The following DGKH variants were observed in gnomAD, a reference collection of about 807,000 sequenced individuals.
DGKH encodes the protein diacylglycerol kinase eta.
A neutral mutation model predicts 159.3 loss-of-function variants in DGKH; 90 were observed. The observed-to-expected ratio is 0.57, with a 90% confidence interval of 0.48 to 0.67. DGKH has a LOEUF of 0.67. Among genes scored for constraint, DGKH ranks in the 30% least tolerant of loss-of-function variants. DGKH has a pLI of 0.00. For missense variants in DGKH, 1,181 were observed against 1,506.1 expected (o/e 0.78, Z 3.57); for synonymous variants, 536 against 553.8 (o/e 0.97, Z 0.45).
rs543209516 is a variant in DGKH, at chr13:42,207,157, CCT to C, written c.2601+1012_2601+1013del. ...TCCTTCCTTCCTTCCTTCCTTCCTT[CCT>C]TCCTTCCTTCCTTCCTTCCTTCCTT... is the stretch of plus-strand genomic sequence containing the variant. On this transcript the variant is annotated intron_variant, in intron 21 of 29. Coordinates refer to ENST00000337343, the MANE Select transcript of DGKH (RefSeq NM_178009.5). 9.5e-4 allele frequency among the ~76,000 whole-genome samples: 75 copies of C among 78,748 alleles called. 8 individuals carry two copies. Among genetic ancestry groups the C allele is most frequent in the Middle Eastern group, 0.01 (2 of 192 alleles). The allele number at this position is 78,748 out of a possible 152,430, so 51.7% of individuals were successfully genotyped here. A position where few individuals can be genotyped will look rare whatever the true frequency, so the allele number is the denominator to read the frequency against.
At chr13:42,224,894 GAAA>G (rs71700896) in intron 29 of DGKH, among the ~76,000 whole-genome samples, 8 of 142,934 alleles carry the variant, frequency 5.6e-5, no homozygotes, top group Admixed American at 2.7e-4. Context: ...TTGGGAAAAG[GAAA>G]AAAAAAATAT....
chr13:42,054,560 A>G (rs986105259), intron 1 of DGKH, among the ~76,000 whole-genome samples: 1 of 152,196 alleles, frequency 6.6e-6, no homozygotes, highest in Non-Finnish European at 1.5e-5. Flanking sequence ...AAATTATTTA[A>G]CTCAGAGAAT....
chr13:42,064,820 C>G (rs977311701), intron 1 of DGKH, among the ~76,000 whole-genome samples: 1 of 151,798 alleles, frequency 6.6e-6, no homozygotes, highest in Non-Finnish European at 1.5e-5. Flanking sequence ...ATACAAAGAC[C>G]GTTTTACTTA....
In DGKH at chr13:42,157,278, T is replaced by C. The variant is rs569237807; in HGVS notation, c.622+1479T>C. ...CTGTAATATGGTATTATTTTAAAGA[T>C]TTTACTAAAATCTTTATTCCAAAAA... On this transcript the variant is annotated intron_variant, in intron 5 of 29. Transcript: ENST00000337343. Among the ~76,000 whole-genome samples, 109 of 152,296 alleles carry C rather than the reference T, an allele frequency of 7.2e-4. 1 individual carries two copies. Among genetic ancestry groups the C allele is most frequent in the African/African-American group, 2.5e-3 (105 of 41,548 alleles).
At chr13:42,103,435 C>A (rs1186828970) in intron 1 of DGKH, among the ~76,000 whole-genome samples, 1 of 152,110 alleles carries the variant, frequency 6.6e-6, no homozygotes, top group Non-Finnish European at 1.5e-5. Flanking sequence ...AACAAAAAAA[C>A]CCACATCATG....
intron 1 of DGKH, among the ~76,000 whole-genome samples, chr13:42,065,298 C>G (rs1212714401): frequency 6.6e-6 from 1 of 152,196 alleles, no homozygotes; most frequent in Admixed American, 6.5e-5. Flanking sequence ...AGCTTTTTAT[C>G]ATAGATCTAG....
At chr13:42,093,794 G>A (rs1954469248) in intron 1 of DGKH, among the ~76,000 whole-genome samples, 1 of 152,162 alleles carries the variant, frequency 6.6e-6, no homozygotes, top group South Asian at 2.1e-4. Flanking sequence ...CTTATATGAG[G>A]TACCTCGAGT....
intron 20 of DGKH, among the ~76,000 whole-genome samples, chr13:42,204,061 G>A (rs1957404794): frequency 6.6e-6 from 1 of 152,056 alleles, no homozygotes; most frequent in African/African-American, 2.4e-5. Context: ...ATTCACTTCA[G>A]CACCGCACAT....
chr13:42,150,965 G>A (rs1955863888), intron 3 of DGKH, among the ~76,000 whole-genome samples: 1 of 152,048 alleles, frequency 6.6e-6, no homozygotes, highest in Non-Finnish European at 1.5e-5. Context: ...GTCAGAGAAG[G>A]TGTGACTATG....
chr13:42,191,068 A>G (rs558586044), intron 16 of DGKH, among the ~76,000 whole-genome samples: 1 of 152,314 alleles, frequency 6.6e-6, no homozygotes, highest in East Asian at 1.9e-4. Flanking sequence ...CTTTGTCAAA[A>G]CTATTTTGGT....
At chr13:42,220,707 G>A (rs899465713) in intron 28 of DGKH, among the ~76,000 whole-genome samples, 4 of 152,170 alleles carry the variant, frequency 2.6e-5, no homozygotes, top group Admixed American at 2.0e-4. Context: ...CAGTGCTATG[G>A]ACTTTTTAAA....
At chr13:42,110,908 T>TG (rs35412786) in intron 1 of DGKH, among the ~76,000 whole-genome samples, 5 of 152,054 alleles carry the variant, frequency 3.3e-5, no homozygotes, top group African/African-American at 1.2e-4. Context: ...ATACACTCAG[T>TG]GGGGGGAGGA....
rs146776372 is a variant in DGKH, at chr13:42,151,531, GTATATATATA to G, written c.385-3755_385-3746del. On this transcript the variant is annotated intron_variant, in intron 3 of 29. Coordinates refer to ENST00000337343, the MANE Select transcript of DGKH (RefSeq NM_178009.5). ...TATACACATGTATATATATACACGT[GTATATATATA>G]TATACACGTGTATATATGTAGTTTC... Among the ~76,000 whole-genome samples, 3 of 98,092 alleles carry G rather than the reference GTATATATATA, an allele frequency of 3.1e-5. No homozygotes were observed. In the South Asian group the frequency reaches 1.3e-3, roughly 43 times the overall value. The allele number at this position is 98,092 out of a possible 152,430, so 64.4% of individuals were successfully genotyped here. A position where few individuals can be genotyped will look rare whatever the true frequency, so the allele number is the denominator to read the frequency against.
intron 1 of DGKH, among the ~76,000 whole-genome samples, chr13:42,093,654 A>C (rs1411245513): frequency 1.3e-5 from 2 of 152,236 alleles, no homozygotes; most frequent in Non-Finnish European, 2.9e-5. Context: ...TGGTGTATAC[A>C]TACAGTGGAG....
chr13:42,194,596 C>T (rs532994235), intron 16 of DGKH, among the ~76,000 whole-genome samples: 1 of 152,252 alleles, frequency 6.6e-6, no homozygotes, highest in East Asian at 1.9e-4. Context: ...ACTTCAAAAG[C>T]TTCATTTATC....
intron 24 of DGKH, among the ~76,000 whole-genome samples, chr13:42,213,060 A>G (rs73458240): frequency 3.9e-5 from 6 of 152,278 alleles, no homozygotes; most frequent in African/African-American, 1.4e-4. Context: ...ATGTAGATGA[A>G]GAGGTGAGGA....
rs1958396791 is a variant in DGKH, at chr13:42,235,587, GT to G, written c.*6402del. The stretch of plus-strand genomic sequence containing the variant: ...GTCCTTAATGTTTGATTGCACTATT[GT>G]TTCCCACAGCTTAGCCGTATCTATT... On this transcript the variant is annotated 3_prime_UTR_variant, in exon 30 of 30. Coordinates refer to ENST00000337343, the MANE Select transcript of DGKH (RefSeq NM_178009.5). 1 of 152,112 alleles carries G rather than the reference GT, an allele frequency of 6.6e-6. No homozygotes were observed. Among genetic ancestry groups the G allele is most frequent in the South Asian group, 2.1e-4 (1 of 4,832 alleles). 9.4% of individuals were successfully genotyped at this position (152,112 alleles called of 1,614,324 possible). A position where few individuals can be genotyped will look rare whatever the true frequency, so the allele number is the denominator to read the frequency against.
chr13:42,105,631 T>C (rs1954736216), intron 1 of DGKH, among the ~76,000 whole-genome samples: 1 of 152,248 alleles, frequency 6.6e-6, no homozygotes, highest in African/African-American at 2.4e-5. Context: ...CATAGGATGT[T>C]GTCCTAAACT....
intron 3 of DGKH, among the ~76,000 whole-genome samples, chr13:42,146,386 G>A (rs1338303767): frequency 6.6e-6 from 1 of 152,294 alleles, no homozygotes. Context: ...AGATTCATCA[G>A]TGCCTTCACT....
Sources: gnomAD v4.1 joint callset for allele counts (sites outside exome capture counted in the v4.1 genomes callset) on GRCh38, gnomAD v4.1.1 for gene constraint, MANE v1.5 for transcripts, NCBI Gene and HGNC (gene_info 2026-07-23, HGNC 2026-07-21) for gene names.